Variants in RETREG1 observed in about 807,000 individuals in gnomAD.
The protein encoded by RETREG1 is reticulophagy regulator 1.
A neutral mutation model predicts 54.8 loss-of-function variants in RETREG1; 44 were observed. The ratio of observed to expected loss-of-function variants is 0.80; its 90% confidence interval spans 0.63 to 1.03. The LOEUF is 1.03. Among genes scored for constraint, RETREG1 ranks in the 50% least tolerant of loss-of-function variants. The probability of loss-of-function intolerance (pLI) is 0.00; values close to 1 mark genes in which losing one functional copy is unlikely to be tolerated. For missense variants in RETREG1, 554 were observed against 605.1 expected, an observed-to-expected ratio of 0.92 and a Z score of 0.89; for synonymous variants, 217 against 238.5, an observed-to-expected ratio of 0.91 and a Z score of 0.83.
chr5:16,568,751 T>C (rs1742091158), intron 2 of RETREG1, among the ~76,000 whole-genome samples: 1 of 152,090 alleles, frequency 6.6e-6, no homozygotes, highest in Admixed American at 6.5e-5. Flanking sequence ...TCATCAAAGA[T>C]GAAAACGCTC....
intron 1 of RETREG1, among the ~76,000 whole-genome samples, chr5:16,573,611 G>T (rs528638526): frequency 1.1e-4 from 17 of 152,110 alleles, no homozygotes; most frequent in Non-Finnish European, 2.1e-4. Flanking sequence ...TCCAAGGCAG[G>T]CAAGGCTTAG....
intron 3 of RETREG1, among the ~76,000 whole-genome samples, chr5:16,485,730 C>T (rs1290937620): frequency 1.3e-5 from 2 of 152,174 alleles, no homozygotes; most frequent in East Asian, 1.9e-4. Context: ...ACTAAAAACT[C>T]TCTTTAGCAT....
chr5:16,533,712 A>G (rs1268132285), intron 3 of RETREG1, among the ~76,000 whole-genome samples: 1 of 152,116 alleles, frequency 6.6e-6, no homozygotes, highest in Admixed American at 6.6e-5. Context: ...GAATTCACAA[A>G]AGCATAGCCC....
chr5:16,595,174 A>G (rs1271158743), intron 1 of RETREG1, among the ~76,000 whole-genome samples: 1 of 152,216 alleles, frequency 6.6e-6, no homozygotes, highest in Non-Finnish European at 1.5e-5. Flanking sequence ...GGTCATGCGC[A>G]GTCTTGTACA....
intron 3 of RETREG1, among the ~76,000 whole-genome samples, chr5:16,537,307 G>A (rs1042150345): frequency 3.4e-4 from 51 of 152,196 alleles, no homozygotes; most frequent in Admixed American, 3.3e-4. Flanking sequence ...GGTTGAAACC[G>A]CAGGCGTGAG....
At chr5:16,541,887 A>C (rs950469617) in intron 3 of RETREG1, among the ~76,000 whole-genome samples, 1 of 152,216 alleles carries the variant, frequency 6.6e-6, no homozygotes, top group Non-Finnish European at 1.5e-5. Context: ...TGGTTGAAAC[A>C]ACTAAACAAG....
intron 5 of RETREG1, among the ~76,000 whole-genome samples, 165 bp from the exon 6 acceptor site, chr5:16,479,152 G>A (rs1444277317): frequency 1.3e-5 from 2 of 151,568 alleles, no homozygotes; most frequent in Non-Finnish European, 2.9e-5. Context: ...TTTCTGTAAG[G>A]TAAACATTTT....
At chr5:16,494,412 C>T (rs182744667) in intron 3 of RETREG1, among the ~76,000 whole-genome samples, 2 of 152,150 alleles carry the variant, frequency 1.3e-5, no homozygotes, top group East Asian at 1.9e-4. Context: ...GGAGGTGGGG[C>T]CTGATGGGAG....
intron 3 of RETREG1, among the ~76,000 whole-genome samples, chr5:16,488,738 C>T (rs1739120708): frequency 6.6e-6 from 1 of 152,146 alleles, no homozygotes; most frequent in African/African-American, 2.4e-5. Flanking sequence ...GCCTCAGTAG[C>T]AGAGAATAAT....
chr5:16,497,872 T>C (rs540161519), intron 3 of RETREG1, among the ~76,000 whole-genome samples: 3 of 152,312 alleles, frequency 2.0e-5, no homozygotes, highest in South Asian at 2.1e-4. Context: ...ACTTGCCTTA[T>C]GGGACACAAC....
At chr5:16,587,067 T>G (rs1277125180) in intron 1 of RETREG1, among the ~76,000 whole-genome samples, 1 of 152,186 alleles carries the variant, frequency 6.6e-6, no homozygotes, top group African/African-American at 2.4e-5. Flanking sequence ...GGTTTCAACA[T>G]AAGAATGCGG....
At position 16,593,682 on chromosome 5, in the gene RETREG1, A is replaced by T. The variant is rs567393249; in HGVS notation, c.321-21580T>A. On this transcript the variant is annotated intron_variant, in intron 1 of 8. Transcript: ENST00000306320. This position sits in a 1 kb window ranked among gnomAD's most constrained non-coding sequence, Gnocchi z 4.9. ...GGCCCTTGGATATCTGCTTAGACAA[A>T]TCTTATTTCTTCTCTTTCAGAAGAC... 1.3e-5 allele frequency among the ~76,000 whole-genome samples: 2 copies of T among 152,208 alleles called. No homozygotes were observed. Among genetic ancestry groups the T allele is most frequent in the Non-Finnish European group, 2.9e-5 (2 of 68,036 alleles).
intron 1 of RETREG1, among the ~76,000 whole-genome samples, chr5:16,614,036 A>C (rs1743422297): frequency 6.6e-6 from 1 of 152,272 alleles, no homozygotes; most frequent in Non-Finnish European, 1.5e-5. Flanking sequence ...AAGAAAATAC[A>C]TGCATGGAAT....
chr5:16,478,967 G>A lies in RETREG1; in HGVS notation c.691C>T (p.Pro231Ser), dbSNP rs1389950630. 1.2e-6 allele frequency: 2 copies of A among 1,611,772 alleles called. No individual in the cohort carries two copies. Among genetic ancestry groups the A allele is most frequent in the Admixed American group, 3.3e-5 (2 of 59,832 alleles). ...YLLLLCAFLC[P>S]LFKCNDIGQK... Reference sequence around the variant, plus strand: ...CCAATATCATTACATTTAAACAATGGACACAAAAATGCACACAGTACTGAA... The same window carrying A: ...CCAATATCATTACATTTAAACAATGAACACAAAAATGCACACAGTACTGAA... The change falls in exon 6 of 9, where the codon CCA (proline) becomes TCA (serine). Residue 231 changes from proline to serine, a missense_variant. Physicochemically the swap from Pro to Ser is moderately conservative, Grantham distance 74. Transcript: ENST00000306320.
intron 3 of RETREG1, among the ~76,000 whole-genome samples, chr5:16,484,158 G>A (rs936340902): frequency 6.6e-6 from 1 of 152,036 alleles, no homozygotes; most frequent in Non-Finnish European, 1.5e-5. Flanking sequence ...AGAATGTGTT[G>A]AGTGTGATGC....
chr5:16,477,186 T>A (rs1402177208), intron 8 of RETREG1, among the ~76,000 whole-genome samples: 1 of 152,142 alleles, frequency 6.6e-6, no homozygotes, highest in South Asian at 2.1e-4. Context: ...ATTTTCCTCA[T>A]ACTTTTTAAA....
chr5:16,480,581 C>T (rs1164281323), intron 5 of RETREG1, among the ~76,000 whole-genome samples: 1 of 152,018 alleles, frequency 6.6e-6, no homozygotes, highest in Non-Finnish European at 1.5e-5. Context: ...TGTGAGAATT[C>T]CACTTGCTCT....
chr5:16,476,757 G>T (rs1724589855), intron 8 of RETREG1, among the ~76,000 whole-genome samples: 1 of 151,728 alleles, frequency 6.6e-6, no homozygotes, highest in Non-Finnish European at 1.5e-5. Flanking sequence ...CTGTCAATAG[G>T]GTTGGGGGTG....
intron 3 of RETREG1, among the ~76,000 whole-genome samples, chr5:16,518,792 A>T (rs904775265): frequency 9.9e-5 from 15 of 152,172 alleles, no homozygotes; most frequent in African/African-American, 2.9e-4. Context: ...TGGCTGAAAG[A>T]ATACAAGAAA....
Sources: gnomAD v4.1 joint callset for allele counts (sites outside exome capture counted in the v4.1 genomes callset) on GRCh38, gnomAD v4.1.1 for gene constraint, Gnocchi (gnomAD v3.1) non-coding constraint, MANE v1.5 for transcripts, NCBI Gene and HGNC (gene_info 2026-07-23, HGNC 2026-07-21) for gene names.